The following KIF3C variants were observed in gnomAD, a reference collection of about 807,000 sequenced individuals.
KIF3C encodes the protein kinesin-like protein KIF3C.
KIF3C carries 12 observed loss-of-function variants against 67.7 expected under a neutral mutation model. The observed-to-expected ratio is 0.18, with a 90% CI of 0.11 to 0.29. The LOEUF (loss-of-function observed/expected upper bound fraction) is 0.29, where lower values mean the gene tolerates loss of function less well. Ranked by LOEUF, KIF3C falls within the 10% of genes least tolerant of loss-of-function variation. The pLI is 1.00. For synonymous variants in KIF3C, 393 were observed against 426.2 expected (o/e 0.92, Z 0.96); for missense variants, 789 against 1,059.6 (o/e 0.74, Z 3.55).
At position 25,929,964 on chromosome 2, in the gene KIF3C, G is replaced by T; in HGVS notation, c.2106C>A (p.Pro702=). ...CCTCTCCGCTTCTTACCCTGTACCT[G>T]GGGTGGGACCCCATTGCCATGGCAA... ...ARVAMAMGSH[P]RYRAENIMFL... The change falls in exon 6 of 8, where the codon CCC becomes CCA. Residue 702 remains proline, a synonymous_variant. Transcript: ENST00000264712. 1.2e-6 allele frequency: 2 copies of T among 1,611,092 alleles called. No homozygotes were observed. Among genetic ancestry groups the T allele is most frequent in the Non-Finnish European group, 1.7e-6 (2 of 1,177,212 alleles).
At chr2:25,968,122 A>C (rs1337653295) in intron 1 of KIF3C, among the ~76,000 whole-genome samples, 2 of 152,214 alleles carry the variant, frequency 1.3e-5, no homozygotes, top group Admixed American at 6.5e-5. Flanking sequence ...GTAAGGGAAG[A>C]AGAAATGAAA....
At position 25,930,077 on chromosome 2, in the gene KIF3C, G is replaced by A. The variant is rs1349165367; in HGVS notation, c.2007-14C>T. 1.9e-6 allele frequency: 3 copies of A among 1,599,398 alleles called. No homozygotes were observed. Among genetic ancestry groups the A allele is most frequent in the Admixed American group, 1.7e-5 (1 of 59,958 alleles). ...TGGCTGCTACTGCTGTAGGAAAGAG[G>A]CTATATTAGAAAGGATTTCTGTGGA... is the stretch of plus-strand genomic sequence containing the variant. On this transcript the variant is annotated splice_polypyrimidine_tract_variant and intron_variant, in intron 5 of 7. Transcript: ENST00000264712.
chr2:25,936,808 A>G (rs553189682), intron 5 of KIF3C, among the ~76,000 whole-genome samples: 1 of 152,340 alleles, frequency 6.6e-6, no homozygotes, highest in Admixed American at 6.5e-5. Context: ...GGTGAGTGTG[A>G]TGGATTATTA....
rs182417099 is a variant in KIF3C at position 25,940,928 on chromosome 2, C to T, written c.2006+10861G>A. Among the ~76,000 whole-genome samples, 360 of 152,132 alleles carry T rather than the reference C, an allele frequency of 2.4e-3. 3 individuals carry two copies. The highest frequency in any genetic ancestry group is 1.4e-3 in the Non-Finnish European group (97 of 67,986). ...TCAGCCTCCCAAAGTGCTGGGATTA[C>T]AGGCGTGGGCCACCACACCCGGCCA... On this transcript the variant is annotated intron_variant, in intron 5 of 7. Coordinates refer to ENST00000264712, the MANE Select transcript of KIF3C (RefSeq NM_002254.8).
chr2:25,974,495 C>G (rs1461474218), intron 1 of KIF3C, among the ~76,000 whole-genome samples: 1 of 152,192 alleles, frequency 6.6e-6, no homozygotes, highest in Non-Finnish European at 1.5e-5. Flanking sequence ...GCCACTGCGC[C>G]TGGCCCTTGT....
intron 5 of KIF3C, among the ~76,000 whole-genome samples, chr2:25,947,920 C>T (rs1663488925): frequency 6.6e-6 from 1 of 152,176 alleles, no homozygotes; most frequent in African/African-American, 2.4e-5. Flanking sequence ...AAGTCTCATT[C>T]TGTCGCCCAG....
At chr2:25,975,186 G>C (rs1431711103) in intron 1 of KIF3C, among the ~76,000 whole-genome samples, 1 of 151,996 alleles carries the variant, frequency 6.6e-6, no homozygotes, top group Non-Finnish European at 1.5e-5. Flanking sequence ...TTTAAGACAG[G>C]GTTCCTCTCT....
chr2:25,932,194 G>A (rs906055259), intron 5 of KIF3C, among the ~76,000 whole-genome samples: 1 of 151,540 alleles, frequency 6.6e-6, no homozygotes, highest in Non-Finnish European at 1.5e-5. Flanking sequence ...TAGAGACGGG[G>A]TTTCACCATG....
chr2:25,981,324 C>T lies in KIF3C; in HGVS notation c.594G>A (p.Gly198=), dbSNP rs376851276. 12 of 1,614,016 alleles carry T rather than the reference C, an allele frequency of 7.4e-6. No individual in the cohort carries two copies. Among genetic ancestry groups the T allele is most frequent in the Admixed American group, 1.7e-5 (1 of 59,992 alleles). The change falls in exon 1 of 8, where the codon GGG becomes GGA. Residue 198 remains glycine (G), a synonymous_variant. Transcript: ENST00000264712. The surrounding 1 kb of genome is among the most constrained non-coding windows in gnomAD (Gnocchi z 8.2). ...TGCTGCCCACAGCCCGGGTCTGGTTCCCCAGGTTCATCACATGCTCAATCT... is the reference window on the plus strand; with the variant it reads ...TGCTGCCCACAGCCCGGGTCTGGTTTCCCAGGTTCATCACATGCTCAATCT... ...VKEIEHVMNL[G]NQTRAVGSTH...
intron 6 of KIF3C, 36 bp from the exon 7 acceptor site, chr2:25,929,513 C>G: frequency 2.5e-6 from 4 of 1,584,282 alleles, no homozygotes; most frequent in Non-Finnish European, 3.5e-6. Flanking sequence ...TTGAACAGTG[C>G]CCAGTCACTG....
At chr2:25,938,832 C>T (rs1435479593) in intron 5 of KIF3C, among the ~76,000 whole-genome samples, 3 of 152,148 alleles carry the variant, frequency 2.0e-5, no homozygotes, top group African/African-American at 7.2e-5. Flanking sequence ...GCGTGCAGTA[C>T]ATCTGACGCG....
Position 25,950,384 on chromosome 2 carries a change from AT to A in KIF3C, c.2006+1404del, listed in dbSNP as rs1275761950. Among the ~76,000 whole-genome samples, 23 of 147,148 alleles carry A rather than the reference AT, an allele frequency of 1.6e-4. 1 individual carries two copies. The South Asian group carries it at 4.6e-3, about 30-fold the overall frequency. Reference sequence around the variant, plus strand: ...AGGCGCCTGCCACCACGCCCAGCTAATTTTTTTTTGTATTTTTAGTAGAGAT... The same window carrying A: ...AGGCGCCTGCCACCACGCCCAGCTAATTTTTTTTGTATTTTTAGTAGAGAT... On this transcript the variant is annotated intron_variant, in intron 5 of 7. Coordinates refer to ENST00000264712, the MANE Select transcript of KIF3C (RefSeq NM_002254.8).
chr2:25,981,323 T>C lies in KIF3C; in HGVS notation c.595A>G (p.Asn199Asp), dbSNP rs1664589320. The C allele has an allele frequency of 1.2e-6, 2 of 1,613,970 alleles. No individual in the cohort carries two copies. Among genetic ancestry groups the C allele is most frequent in the Non-Finnish European group, 1.7e-6 (2 of 1,179,978 alleles). The stretch of plus-strand genomic sequence containing the variant: ...GTGCTGCCCACAGCCCGGGTCTGGT[T>C]CCCCAGGTTCATCACATGCTCAATC... The part of the protein sequence containing the change: ...KEIEHVMNLG[N>D]QTRAVGSTHM... The change falls in exon 1 of 8, where the codon AAC becomes GAC. Residue 199 changes from asparagine to aspartate, a missense_variant. Physicochemically the swap from Asn to Asp is conservative, Grantham distance 23. Coordinates refer to ENST00000264712, the MANE Select transcript of KIF3C (RefSeq NM_002254.8). The surrounding 1 kb of genome is among the most constrained non-coding windows in gnomAD (Gnocchi z 8.2).
At chr2:25,940,441 T>G (rs1019188163) in intron 5 of KIF3C, among the ~76,000 whole-genome samples, 1 of 151,326 alleles carries the variant, frequency 6.6e-6, no homozygotes, top group African/African-American at 2.4e-5. Context: ...TGTGGTGGCG[T>G]ATGCCTGTAA....
At chr2:25,953,989 T>C (rs1574487706) in intron 4 of KIF3C, 1 of 347,662 alleles carries the variant, frequency 2.9e-6, no homozygotes, top group Non-Finnish European at 5.3e-6. Context: ...TTTAAAAAAT[T>C]TAAAATCACT....
intron 5 of KIF3C, 71 bp from the exon 6 acceptor site, chr2:25,930,134 A>G (rs2090446999): frequency 8.1e-6 from 10 of 1,233,536 alleles, no homozygotes; most frequent in Non-Finnish European, 1.2e-5. Flanking sequence ...ATGAGGACCT[A>G]AATATCATTC....
chr2:25,939,819 G>A (rs749884381), intron 5 of KIF3C, among the ~76,000 whole-genome samples: 1 of 151,884 alleles, frequency 6.6e-6, no homozygotes, highest in African/African-American at 2.4e-5. Flanking sequence ...GCATGGTGGT[G>A]CACCCCTATA....
At chr2:25,954,725 C>T (rs1663762365) in intron 3 of KIF3C, among the ~76,000 whole-genome samples, 2 of 150,114 alleles carry the variant, frequency 1.3e-5, no homozygotes. Context: ...CAGACTTGCT[C>T]AAGGTCACAC....
At chr2:25,952,845 A>G (rs554856811) in intron 4 of KIF3C, among the ~76,000 whole-genome samples, 1 of 152,032 alleles carries the variant, frequency 6.6e-6, no homozygotes, top group Non-Finnish European at 1.5e-5. Flanking sequence ...GGTATAAGCC[A>G]GCAAATTGTA....
Sources: allele counts gnomAD v4.1 joint callset (sites outside exome capture counted in the v4.1 genomes callset), GRCh38; gene constraint gnomAD v4.1.1; non-coding constraint Gnocchi (gnomAD v3.1); transcripts MANE v1.5; gene names NCBI Gene and HGNC (gene_info 2026-07-23, HGNC 2026-07-21).